Variants in CCDC34 observed in about 807,000 individuals in gnomAD.
CCDC34 encodes the protein coiled-coil domain-containing protein 34.
CCDC34 carries 40 observed loss-of-function variants against 44.1 expected under a neutral mutation model. That is an observed-to-expected ratio of 0.91 (90% CI 0.70 to 1.18). CCDC34 has a LOEUF of 1.18. Ranked by LOEUF, CCDC34 falls within the 50% of genes most tolerant of loss-of-function variation. The pLI is 0.00. For missense variants in CCDC34, 466 were observed against 452.3 expected, an observed-to-expected ratio of 1.03 and a Z score of -0.28; for synonymous variants, 159 against 158.2, an observed-to-expected ratio of 1.01 and a Z score of -0.04.
At chr11:27,356,162 G>A (rs558398080) in intron 2 of CCDC34, among the ~76,000 whole-genome samples, 101 of 151,656 alleles carry the variant, frequency 6.7e-4, no homozygotes, top group South Asian at 5.2e-3. Context: ...GGGATTACAG[G>A]CATGCACCAC....
At chr11:27,345,246 A>T (rs1862416027) in intron 3 of CCDC34, among the ~76,000 whole-genome samples, 2 of 152,134 alleles carry the variant, frequency 1.3e-5, no homozygotes, top group Non-Finnish European at 2.9e-5. Context: ...AACAGTGGAG[A>T]GTATTTTTAC....
chr11:27,356,008 A>ATTT (rs34146389), intron 2 of CCDC34, among the ~76,000 whole-genome samples: 710 of 69,502 alleles, frequency 0.01, 66 homozygotes, highest in African/African-American at 0.029. Flanking sequence ...TGTTCCCAGG[A>ATTT]TTTTTTTTTT....
Position 27,362,811 on chromosome 11 carries a change from A to G in CCDC34, c.359+25T>C. 1.9e-6 allele frequency: 3 copies of G among 1,606,152 alleles called. No homozygotes were observed. In the East Asian group the frequency reaches 6.7e-5, roughly 36 times the overall value. ...TCTAAGGAATCTTGAAAAGGGCTGA[A>G]TCGGCCGGGCGGCCTCGGGTTTACC... On this transcript the variant is annotated intron_variant, in intron 1 of 5. Transcript: ENST00000328697.
At chr11:27,347,268 T>A (rs1862446912) in intron 3 of CCDC34, among the ~76,000 whole-genome samples, 2 of 152,198 alleles carry the variant, frequency 1.3e-5, no homozygotes, top group South Asian at 4.1e-4. Flanking sequence ...GTAGTGGAGA[T>A]GTAAAATGGT....
At chr11:27,356,008 AT>A (rs34146389) in intron 2 of CCDC34, among the ~76,000 whole-genome samples, 2,075 of 69,426 alleles carry the variant, frequency 0.03, 33 homozygotes, top group African/African-American at 0.075. Context: ...TGTTCCCAGG[AT>A]TTTTTTTTTT....
intron 1 of CCDC34, among the ~76,000 whole-genome samples, chr11:27,359,656 G>A (rs1037426517): frequency 2.0e-5 from 3 of 152,044 alleles, no homozygotes; most frequent in Non-Finnish European, 4.4e-5. Context: ...GCCCAGCTAA[G>A]CTATGTACAT....
chr11:27,350,259 G>T, intron 3 of CCDC34, 73 bp downstream of exon 3: 1 of 1,606,652 alleles, frequency 6.2e-7, no homozygotes. Flanking sequence ...TAAAACCTAG[G>T]TAATGAAGTA....
chr11:27,346,625 C>A (rs1862439117), intron 3 of CCDC34, among the ~76,000 whole-genome samples: 1 of 152,116 alleles, frequency 6.6e-6, no homozygotes. Flanking sequence ...ACAACCCCTT[C>A]AAAAATGGGC....
intron 2 of CCDC34, among the ~76,000 whole-genome samples, chr11:27,357,048 G>C (rs1862588653): frequency 6.6e-6 from 1 of 152,052 alleles, no homozygotes; most frequent in Non-Finnish European, 1.5e-5. Context: ...ATATGTTGAT[G>C]CTCCAGTGTA....
At chr11:27,357,300 A>G in intron 2 of CCDC34, 103 bp downstream of exon 2, 2 of 1,135,212 alleles carry the variant, frequency 1.8e-6, no homozygotes, top group South Asian at 4.0e-5. Flanking sequence ...ATAAATGCAA[A>G]GACTTTGTTT....
At chr11:27,342,186 T>C (rs957307793) in intron 3 of CCDC34, among the ~76,000 whole-genome samples, 12 of 151,680 alleles carry the variant, frequency 7.9e-5, no homozygotes, top group Non-Finnish European at 1.3e-4. Flanking sequence ...CAGTGTTCAA[T>C]CAAAATTTGT....
At chr11:27,339,914 T>C (rs1166405821) in intron 5 of CCDC34, among the ~76,000 whole-genome samples, 1 of 152,176 alleles carries the variant, frequency 6.6e-6, no homozygotes, top group Non-Finnish European at 1.5e-5. Flanking sequence ...CACTGCTTAT[T>C]ACTCTTTTTT....
rs906150089 is a variant in CCDC34 at position 27,338,569 on chromosome 11, T to A, written c.*252A>T. 1.6e-5 allele frequency: 7 copies of A among 433,252 alleles called. No homozygotes were observed. The highest frequency in any genetic ancestry group is 1.5e-4 in the African/African-American group (7 of 48,194). 26.8% of individuals were successfully genotyped at this position (433,252 alleles called of 1,614,324 possible). On this transcript the variant is annotated 3_prime_UTR_variant, in exon 6 of 6. Coordinates refer to ENST00000328697, the MANE Select transcript of CCDC34 (RefSeq NM_030771.2). The stretch of plus-strand genomic sequence containing the variant: ...CAGTGTACTTTTAATACAAGCTAAA[T>A]ACAAACACAATTCTTACATATTCAG...
intron 4 of CCDC34, 64 bp downstream of exon 4, chr11:27,341,328 G>C (rs1460275797): frequency 1.1e-6 from 1 of 952,226 alleles, no homozygotes; most frequent in East Asian, 2.7e-5. Flanking sequence ...CTTTTTCTAA[G>C]ATATAGTTGA....
chr11:27,361,839 G>C (rs1862669072), intron 1 of CCDC34, among the ~76,000 whole-genome samples: 1 of 152,150 alleles, frequency 6.6e-6, no homozygotes, highest in South Asian at 2.1e-4. Context: ...GCCTTACACA[G>C]CTTGACAATC....
chr11:27,352,382 CA>C (rs796750735), intron 2 of CCDC34, among the ~76,000 whole-genome samples: 53 of 111,156 alleles, frequency 4.8e-4, no homozygotes, highest in Admixed American at 4.8e-4. Flanking sequence ...GACTCCATCT[CA>C]AAAAAAAAAA....
In CCDC34 at chr11:27,362,930, C is replaced by T; in HGVS notation, c.265G>A (p.Asp89Asn). The T allele has an allele frequency of 8.1e-6, 13 of 1,614,118 alleles. No individual in the cohort carries two copies. Among genetic ancestry groups the T allele is most frequent in the Admixed American group, 1.7e-5 (1 of 60,022 alleles). The change falls in exon 1 of 6, where the codon GAC becomes AAC. Residue 89 changes from aspartate to asparagine, a missense_variant. Coordinates refer to ENST00000328697, the MANE Select transcript of CCDC34 (RefSeq NM_030771.2). ...EDDGDGEDEE[D>N]VDDEEDVDED... ...TCCACGTCTTCCTCATCATCCACGT[C>T]TTCCTCATCCTCCCCGTCACCGTCG...
rs567067884 is a variant in CCDC34, at chr11:27,344,473, ATT to A, written c.607-2925_607-2924del. Among the ~76,000 whole-genome samples the A allele has an allele frequency of 2.0e-3, 299 of 151,612 alleles. 1 individual carries two copies. The highest frequency in any genetic ancestry group is 6.8e-3 in the African/African-American group (280 of 41,184). On this transcript the variant is annotated intron_variant, in intron 3 of 5. Coordinates refer to ENST00000328697, the MANE Select transcript of CCDC34 (RefSeq NM_030771.2). ...ATAACATGTTACTTGTGTTATACGC[ATT>A]GTTACATGTTATAAACATGTGTACA...
chr11:27,358,970 C>CCA (rs1280762240), intron 1 of CCDC34, among the ~76,000 whole-genome samples: 1 of 117,788 alleles, frequency 8.5e-6, no homozygotes, highest in Admixed American at 8.6e-5. Context: ...CCCCCCCCCC[C>CCA]ACCGCCACCA....
Sources: allele counts gnomAD v4.1 joint callset (sites outside exome capture counted in the v4.1 genomes callset), GRCh38; gene constraint gnomAD v4.1.1; transcripts MANE v1.5; gene names NCBI Gene and HGNC (gene_info 2026-07-23, HGNC 2026-07-21).